Variants in LRRC9 observed in about 807,000 individuals in gnomAD.
The protein encoded by LRRC9 is leucine-rich repeat-containing protein 9.
In LRRC9, 122 loss-of-function variants were observed where a neutral mutation model predicts 63.2. The ratio of observed to expected loss-of-function variants is 1.93; its 90% CI spans 1.67 to 2.24. The LOEUF is 2.24. Among genes scored for constraint, LRRC9 ranks in the 30% most tolerant of loss-of-function variants. The probability of loss-of-function intolerance (pLI) is 0.00; values close to 1 mark genes in which losing one functional copy is unlikely to be tolerated. For synonymous variants in LRRC9, 366 were observed against 213.1 expected, an observed-to-expected ratio of 1.72 and a Z score of -6.25; for missense variants, 1,071 against 627.7, an observed-to-expected ratio of 1.71 and a Z score of -7.55.
At chr14:60,063,488 A>G in exon 32 of LRRC9, 1 of 636,248 alleles carries the variant, frequency 1.6e-6, no homozygotes, top group East Asian at 2.7e-5. Flanking sequence ...TTACTGAAGC[A>G]CTTCAGTTCC....
intron 28 of LRRC9, among the ~76,000 whole-genome samples, chr14:60,029,834 CTTT>C (rs1245612989): frequency 1.3e-5 from 2 of 152,048 alleles, no homozygotes; most frequent in Non-Finnish European, 2.9e-5. Flanking sequence ...ACCAGCTCTT[CTTT>C]GTTTTTATCC....
intron 13 of LRRC9, among the ~76,000 whole-genome samples, chr14:59,976,906 C>T (rs151045436): frequency 7.2e-5 from 11 of 152,304 alleles, no homozygotes; most frequent in African/African-American, 2.6e-4. Flanking sequence ...CAGTTAACAA[C>T]AACCAAAATT....
chr14:59,962,592 G>A lies in LRRC9; in HGVS notation c.1211+1547G>A, dbSNP rs1209793788. On this transcript the variant is annotated intron_variant, in intron 10 of 31. Transcript: ENST00000445360. The surrounding 1 kb of genome is among the most constrained non-coding windows in gnomAD (Gnocchi z 5.1). ...TAATTTTTGTATTTTTAGTGGAGAC[G>A]GGGTTTTGCCATGTTGGCCAGGCTG... Among the ~76,000 whole-genome samples the A allele has an allele frequency of 6.6e-6, 1 of 152,050 alleles. No individual in the cohort carries two copies. Among genetic ancestry groups the A allele is most frequent in the Admixed American group, 6.5e-5 (1 of 15,272 alleles).
At chr14:59,961,926 T>C (rs531747801) in intron 10 of LRRC9, among the ~76,000 whole-genome samples, 1 of 152,302 alleles carries the variant, frequency 6.6e-6, no homozygotes, top group Admixed American at 6.5e-5. Flanking sequence ...CATGTCAAAC[T>C]ATAGAATGGA....
chr14:59,944,863 C>G, intron 8 of LRRC9, 119 bp downstream of exon 8: 1 of 428,070 alleles, frequency 2.3e-6, no homozygotes, highest in Non-Finnish European at 4.0e-6. Flanking sequence ...CACACACACA[C>G]ACTCACACAC....
chr14:59,921,966 G>A (rs1410807146), intron 1 of LRRC9, among the ~76,000 whole-genome samples: 1 of 151,690 alleles, frequency 6.6e-6, no homozygotes, highest in Non-Finnish European at 1.5e-5. Flanking sequence ...CGCCTGTAGT[G>A]CCAGCTACTT....
At chr14:60,008,564 G>T (rs1195208024) in intron 23 of LRRC9, among the ~76,000 whole-genome samples, 1 of 152,102 alleles carries the variant, frequency 6.6e-6, no homozygotes, top group Admixed American at 6.5e-5. Context: ...TCTATTTTCA[G>T]TGCAAATATA....
At chr14:60,014,289 C>A (rs1243359870) in intron 23 of LRRC9, among the ~76,000 whole-genome samples, 1 of 151,992 alleles carries the variant, frequency 6.6e-6, no homozygotes, top group Non-Finnish European at 1.5e-5. Flanking sequence ...TTCACATCAA[C>A]TAATCAAAGA....
chr14:60,056,502 A>G (rs753961954), intron 30 of LRRC9, among the ~76,000 whole-genome samples: 24 of 152,172 alleles, frequency 1.6e-4, no homozygotes, highest in Non-Finnish European at 3.1e-4. Flanking sequence ...TATTTATCAT[A>G]TAGTGAACTC....
At position 59,997,642 on chromosome 14, in the gene LRRC9, T is replaced by G; in HGVS notation, c.2212-14T>G. On this transcript the variant is annotated splice_polypyrimidine_tract_variant and intron_variant, in intron 17 of 31. Transcript: ENST00000445360. ...TGATTCTCTTAGCATCACTTTTATTTATATGTGTTGCAGTATAACCTTGAA... is the reference window on the plus strand; with the variant it reads ...TGATTCTCTTAGCATCACTTTTATTGATATGTGTTGCAGTATAACCTTGAA... 1 of 660,406 alleles carries G rather than the reference T, an allele frequency of 1.5e-6. No homozygotes were observed. The highest frequency in any genetic ancestry group is 2.7e-6 in the Non-Finnish European group (1 of 364,192). 40.9% of individuals were successfully genotyped at this position (660,406 alleles called of 1,614,324 possible).
In LRRC9 at chr14:60,035,625, C is replaced by A. The variant is rs1892364511; in HGVS notation, c.3990+3562C>A. Among the ~76,000 whole-genome samples the A allele has an allele frequency of 2.6e-5, 4 of 152,096 alleles. No individual in the cohort carries two copies. The South Asian group carries it at 8.3e-4, about 31-fold the overall frequency. On this transcript the variant is annotated intron_variant, in intron 29 of 31. Coordinates refer to ENST00000445360, the Ensembl canonical transcript of LRRC9. Reference sequence around the variant, plus strand: ...ATTTTCTTATTGTAAGTTCTTGGTGCTTTTGTCAAAGATGAATTGACTGTA... The same window carrying A: ...ATTTTCTTATTGTAAGTTCTTGGTGATTTTGTCAAAGATGAATTGACTGTA...
intron 27 of LRRC9, among the ~76,000 whole-genome samples, chr14:60,026,750 G>A (rs906955294): frequency 2.8e-4 from 42 of 151,994 alleles, no homozygotes; most frequent in Admixed American, 1.3e-3. Flanking sequence ...ATTTATTGAA[G>A]AGACTGTCTT....
At chr14:59,977,385 C>T in intron 14 of LRRC9, 38 bp downstream of exon 14, 1 of 629,636 alleles carries the variant, frequency 1.6e-6, no homozygotes, top group Non-Finnish European at 2.8e-6. Flanking sequence ...TTTTATCTCT[C>T]TGAATGAAAA....
At chr14:60,040,070 G>C (rs990013026) in intron 29 of LRRC9, among the ~76,000 whole-genome samples, 1 of 151,908 alleles carries the variant, frequency 6.6e-6, no homozygotes, top group Non-Finnish European at 1.5e-5. Context: ...GTAGTTGAGC[G>C]GTTTTGAGTG....
chr14:59,998,510 G>A, intron 18 of LRRC9, among the ~76,000 whole-genome samples: 2 of 152,054 alleles, frequency 1.3e-5, no homozygotes, highest in Admixed American at 1.3e-4. Context: ...TAAGTCCCAA[G>A]ATTATAAAGT....
chr14:60,007,015 T>C (rs1156627810), intron 22 of LRRC9, among the ~76,000 whole-genome samples: 3 of 152,174 alleles, frequency 2.0e-5, no homozygotes, highest in East Asian at 1.9e-4. Flanking sequence ...TGTTGTGTAA[T>C]AGGATTTACT....
At position 59,999,086 on chromosome 14, in the gene LRRC9, T is replaced by G. The variant is rs1316459950; in HGVS notation, c.2404-15T>G. The G allele has an allele frequency of 3.8e-5, 24 of 639,102 alleles. No individual in the cohort carries two copies. Among genetic ancestry groups the G allele is most frequent in the Non-Finnish European group, 6.4e-5 (23 of 359,018 alleles). The allele number at this position is 639,102 out of a possible 1,614,324, so 39.6% of individuals were successfully genotyped here. ...TTAACAGTTTATAAAAAATTTTTTT[T>G]TTGTTTTTCCCAAGCCAGCCACATT... On this transcript the variant is annotated splice_polypyrimidine_tract_variant and intron_variant, in intron 18 of 31. Transcript: ENST00000445360.
intron 8 of LRRC9, among the ~76,000 whole-genome samples, chr14:59,947,238 T>G (rs1191708250): frequency 2.7e-5 from 4 of 149,436 alleles, no homozygotes; most frequent in Non-Finnish European, 6.0e-5. Context: ...GGTTTTGATT[T>G]GCATTTCTCT....
intron 29 of LRRC9, among the ~76,000 whole-genome samples, chr14:60,043,121 T>A (rs1893098375): frequency 1.3e-5 from 2 of 152,246 alleles, no homozygotes; most frequent in East Asian, 1.9e-4. Flanking sequence ...ATATAAATGC[T>A]ATTGATTTTT....
Sources: allele counts gnomAD v4.1 joint callset (sites outside exome capture counted in the v4.1 genomes callset), GRCh38; gene constraint gnomAD v4.1.1; non-coding constraint Gnocchi (gnomAD v3.1); transcripts MANE v1.5; gene names NCBI Gene and HGNC (gene_info 2026-07-23, HGNC 2026-07-21).